SNRPN: variants seen among roughly 807,000 people sequenced by gnomAD.
SNRPN encodes small nuclear ribonucleoprotein-associated protein N.
A neutral mutation model predicts 25.2 loss-of-function variants in SNRPN; 7 were observed. The ratio of observed to expected loss-of-function variants is 0.28; its 90% CI spans 0.16 to 0.52. The LOEUF (loss-of-function observed/expected upper bound fraction) is 0.52. SNRPN is among the 20% of genes least tolerant of loss of function. The pLI is 0.96. For missense variants in SNRPN, 196 were observed against 322.5 expected, an observed-to-expected ratio of 0.61 and a Z score of 3.00; for synonymous variants, 124 against 110.6, an observed-to-expected ratio of 1.12 and a Z score of -0.76.
rs552367197 is a variant in SNRPN at position 24,968,256 on chromosome 15, C to T, written c.-144+174C>T. ...GGACCTTAAATTTTCTGCCCTGACA[C>T]TTTCGTCATGTTTCTGTATTCCAGT... is the stretch of plus-strand genomic sequence containing the variant. On this transcript the variant is annotated intron_variant, in intron 3 of 9. Transcript: ENST00000390687. 300 of 518,106 alleles carry T rather than the reference C, an allele frequency of 5.8e-4. 1 individual carries two copies. Among genetic ancestry groups the T allele is most frequent in the African/African-American group, 5.4e-3 (283 of 51,934 alleles). 32.1% of individuals were successfully genotyped at this position (518,106 alleles called of 1,614,324 possible). A position where few individuals can be genotyped will look rare whatever the true frequency, so the allele number is the denominator to read the frequency against.
chr15:24,958,486 G>GTTTTTTTTTTTTTTT, intron 1 of SNRPN, among the ~76,000 whole-genome samples: 1 of 65,284 alleles, frequency 1.5e-5, no homozygotes, highest in Middle Eastern at 0.022. Flanking sequence ...CTGGCTCAAA[G>GTTTTTTTTTTTTTTT]TTTTTTTTTT....
At chr15:24,939,360 G>C (rs902794419) in intron 3 of SNRPN, among the ~76,000 whole-genome samples, 2 of 152,162 alleles carry the variant, frequency 1.3e-5, no homozygotes, top group East Asian at 3.9e-4. Context: ...ATCTTTGGAT[G>C]TGCTTCTTGG....
At chr15:24,921,700 A>G (rs17180589) in intron 3 of SNRPN, among the ~76,000 whole-genome samples, 26,145 of 152,110 alleles carry the variant, frequency 0.17, 2,545 homozygotes, top group Admixed American at 0.23. Flanking sequence ...TGGCCATTGC[A>G]GAAAGGGAAG....
At chr15:24,963,749 A>G (rs1360469133) in intron 2 of SNRPN, among the ~76,000 whole-genome samples, 1 of 152,040 alleles carries the variant, frequency 6.6e-6, no homozygotes, top group Non-Finnish European at 1.5e-5. Context: ...TTTATATGTG[A>G]AAAGTTGAGC....
intron 1 of SNRPN, among the ~76,000 whole-genome samples, chr15:24,877,416 A>G (rs537241835): frequency 2.6e-5 from 4 of 152,376 alleles, no homozygotes; most frequent in Admixed American, 1.3e-4. Context: ...GGCAACCTAA[A>G]TAAGTACAGA....
rs2153690780 is a variant in SNRPN, at chr15:24,975,418, C to T, written c.64C>T (p.Gln22Ter). 6.2e-7 allele frequency: 1 copy of T among 1,612,962 alleles called. No homozygotes were observed. Among genetic ancestry groups the T allele is most frequent in the South Asian group, 1.1e-5 (1 of 91,056 alleles). The change falls in exon 5 of 10, where the codon CAA becomes TAA. Residue 22 changes from glutamine (Q) to a stop codon, truncating the protein, a stop_gained. Transcript: ENST00000390687. LOFTEE classifies it high-confidence loss of function. ...HIDYRMRCIL[Q>*]DGRIFIGTFK... ...TGACTATAGAATGAGATGTATCCTG[C>T]AAGATGGCCGAATCTTCATTGGCAC...
chr15:24,968,947 A>G (rs2076045092), intron 3 of SNRPN: 1 of 151,432 alleles, frequency 6.6e-6, no homozygotes, highest in Non-Finnish European at 1.5e-5. Context: ...CTTTTTTTCT[A>G]CTTTAAGTTT....
chr15:24,846,710 G>C (rs1383423463), intron 2 of SNRPN, among the ~76,000 whole-genome samples: 1 of 152,202 alleles, frequency 6.6e-6, no homozygotes, highest in Non-Finnish European at 1.5e-5. Context: ...ACATCACAGG[G>C]AGAGTAACAA....
chr15:24,969,456 G>T (rs2076125488), intron 3 of SNRPN, among the ~76,000 whole-genome samples: 1 of 152,074 alleles, frequency 6.6e-6, no homozygotes, highest in Non-Finnish European at 1.5e-5. Flanking sequence ...AAAGGAGACA[G>T]AAATTTTCTG....
At chr15:24,869,945 A>G (rs2054930412) in intron 1 of SNRPN, among the ~76,000 whole-genome samples, 1 of 152,136 alleles carries the variant, frequency 6.6e-6, no homozygotes, top group Admixed American at 6.6e-5. Flanking sequence ...TTTATACTGT[A>G]TTGAATATGA....
chr15:24,922,073 C>T (rs1187866075), intron 3 of SNRPN, among the ~76,000 whole-genome samples: 1 of 150,562 alleles, frequency 6.6e-6, no homozygotes. Context: ...ATTAGCCGGG[C>T]ACCGTGGCGG....
chr15:24,901,106 C>CA (rs950368509), intron 2 of SNRPN, among the ~76,000 whole-genome samples: 4 of 151,876 alleles, frequency 2.6e-5, no homozygotes, highest in South Asian at 2.1e-4. Context: ...AAAAAATTAA[C>CA]AAAAAAAGAT....
At chr15:24,908,677 T>A (rs559437921) in intron 2 of SNRPN, among the ~76,000 whole-genome samples, 1 of 137,826 alleles carries the variant, frequency 7.3e-6, no homozygotes, top group African/African-American at 3.1e-5. Flanking sequence ...TAACTCACCA[T>A]ACCAACTCAA....
chr15:24,883,085 C>T (rs947044118), intron 1 of SNRPN, among the ~76,000 whole-genome samples: 11 of 152,158 alleles, frequency 7.2e-5, no homozygotes, highest in Non-Finnish European at 1.6e-4. Context: ...ATGCTTATCA[C>T]TGTCACACCA....
intron 3 of SNRPN, among the ~76,000 whole-genome samples, chr15:24,932,764 C>T (rs1216562435): frequency 6.6e-6 from 1 of 152,118 alleles, no homozygotes; most frequent in Non-Finnish European, 1.5e-5. Context: ...GTTCTCTTGC[C>T]TCAGCCTCCA....
rs555480792 is a variant in SNRPN, at chr15:24,827,665, G to A, written c.-686-2133G>A. Among the ~76,000 whole-genome samples the A allele has an allele frequency of 1.1e-3, 168 of 151,724 alleles. 2 individuals carry two copies. Among genetic ancestry groups the A allele is most frequent in the Non-Finnish European group, 2.1e-3 (141 of 67,988 alleles). ...AGGAGGATCACGAGGTCAGGAGTTC[G>A]AGACCAGCCTGACCAAGATGGTGAA... On this transcript the variant is annotated intron_variant, in intron 1 of 12. Coordinates refer to the SNRPN transcript ENST00000400100.
intron 7 of SNRPN, 142 bp from the exon 8 acceptor site, chr15:24,977,636 C>CAA: frequency 7.4e-6 from 6 of 812,420 alleles, no homozygotes; most frequent in South Asian, 2.4e-5. Context: ...GAAACTGTCT[C>CAA]AAAAAAAAAC....
upstream of SNRPN, among the ~76,000 whole-genome samples, chr15:24,951,700 G>A (rs1027429665): frequency 8.5e-5 from 13 of 152,110 alleles, 1 homozygote; most frequent in Middle Eastern, 6.8e-3. Flanking sequence ...TAAAGACGGG[G>A]TTTCACCACG....
chr15:24,920,119 T>C (rs565390737), exon 3 of SNRPN: 1 of 152,270 alleles, frequency 6.6e-6, no homozygotes, highest in African/African-American at 2.4e-5. Flanking sequence ...ATCTACTTTC[T>C]CTTATGTAAG....
Sources: allele counts gnomAD v4.1 joint callset (sites outside exome capture counted in the v4.1 genomes callset), GRCh38; gene constraint gnomAD v4.1.1; transcripts MANE v1.5; gene names NCBI Gene and HGNC (gene_info 2026-07-23, HGNC 2026-07-21).